MBOAT1: variants seen among roughly 807,000 people sequenced by gnomAD.
MBOAT1 encodes the protein membrane-bound glycerophospholipid O-acyltransferase 1.
Under a neutral mutation model 64.4 loss-of-function variants are expected in MBOAT1, and 67 were observed. That is an observed-to-expected ratio of 1.04 (90% CI 0.85 to 1.27). The LOEUF (loss-of-function observed/expected upper bound fraction) is 1.27, where lower values mean the gene tolerates loss of function less well. Ranked by LOEUF, MBOAT1 falls within the 50% of genes most tolerant of loss-of-function variation. The pLI is 0.00. For synonymous variants in MBOAT1, 229 were observed against 218.9 expected, an observed-to-expected ratio of 1.05 and a Z score of -0.41; for missense variants, 563 against 604.6, an observed-to-expected ratio of 0.93 and a Z score of 0.72.
At chr6:20,132,257 C>T (rs925795393) in intron 4 of MBOAT1, among the ~76,000 whole-genome samples, 2 of 152,202 alleles carry the variant, frequency 1.3e-5, no homozygotes, top group Non-Finnish European at 2.9e-5. Flanking sequence ...GGGAGATACA[C>T]AATCCAGTGC....
chr6:20,157,149 G>A (rs1024654458), intron 1 of MBOAT1, among the ~76,000 whole-genome samples: 1 of 152,108 alleles, frequency 6.6e-6, no homozygotes, highest in Non-Finnish European at 1.5e-5. Flanking sequence ...AAAATTAGCT[G>A]GGCATGATAG....
chr6:20,116,774 T>C (rs890668902), intron 9 of MBOAT1, among the ~76,000 whole-genome samples: 3 of 152,224 alleles, frequency 2.0e-5, no homozygotes, highest in African/African-American at 7.2e-5. Flanking sequence ...CATAACTTAA[T>C]GACTTAGTCC....
In MBOAT1 at chr6:20,113,827, T is replaced by G. The variant is rs550170409; in HGVS notation, c.1077-819A>C. Reference sequence around the variant, plus strand: ...ATTAATAAAAATATATAATAAAAAATAAATAAATAATAATAAAAAAATAAA... The same window carrying G: ...ATTAATAAAAATATATAATAAAAAAGAAATAAATAATAATAAAAAAATAAA... On this transcript the variant is annotated intron_variant, in intron 10 of 12. Coordinates refer to ENST00000324607, the MANE Select transcript of MBOAT1 (RefSeq NM_001080480.3). Among the ~76,000 whole-genome samples the G allele has an allele frequency of 2.7e-3, 406 of 150,354 alleles. 4 individuals carry two copies. The highest frequency in any genetic ancestry group is 9.4e-3 in the African/African-American group (389 of 41,214).
intron 8 of MBOAT1, 30 bp downstream of exon 8, chr6:20,124,378 A>G: frequency 1.3e-6 from 2 of 1,590,158 alleles, no homozygotes; most frequent in Non-Finnish European, 1.7e-6. Flanking sequence ...TTTTTCCCTC[A>G]TTCAGTTACA....
intron 1 of MBOAT1, among the ~76,000 whole-genome samples, chr6:20,168,621 GAGAAGAGAAGAGA>G (rs1762093473): frequency 7.8e-6 from 1 of 127,460 alleles, no homozygotes; most frequent in African/African-American, 3.0e-5. Context: ...GAGAAGAGAA[GAGAAGAGAAGAGA>G]AGAGAAGAGA....
chr6:20,160,246 C>T (rs1308580457), intron 1 of MBOAT1, among the ~76,000 whole-genome samples: 1 of 152,196 alleles, frequency 6.6e-6, no homozygotes, highest in African/African-American at 2.4e-5. Flanking sequence ...TGTTCCATGG[C>T]CTTCATACTC....
At chr6:20,126,059 A>C (rs778360641) in intron 7 of MBOAT1, among the ~76,000 whole-genome samples, 1 of 152,232 alleles carries the variant, frequency 6.6e-6, no homozygotes, top group Non-Finnish European at 1.5e-5. Flanking sequence ...AGGTCAACAT[A>C]AGCAAGCTTT....
At chr6:20,170,970 G>A (rs1392220668) in intron 1 of MBOAT1, among the ~76,000 whole-genome samples, 1 of 152,148 alleles carries the variant, frequency 6.6e-6, no homozygotes, top group African/African-American at 2.4e-5. Flanking sequence ...GCATGCTAGG[G>A]AAATTTTTAA....
chr6:20,165,382 C>A (rs1281381192), intron 1 of MBOAT1, among the ~76,000 whole-genome samples: 1 of 151,990 alleles, frequency 6.6e-6, no homozygotes, highest in Non-Finnish European at 1.5e-5. Flanking sequence ...CCCTGCTTCA[C>A]GAACCTGCAG....
At chr6:20,126,744 C>CT in intron 6 of MBOAT1, 44 bp from the exon 7 acceptor site, 1 of 1,434,034 alleles carries the variant, frequency 7.0e-7, no homozygotes, top group Non-Finnish European at 9.6e-7. Context: ...TCAGTCTTTG[C>CT]TTTTTCTTCA....
chr6:20,186,693 C>T (rs843329), intron 1 of MBOAT1, among the ~76,000 whole-genome samples: 77,126 of 151,620 alleles, frequency 0.51, 20,151 homozygotes, highest in Admixed American at 0.64. Context: ...TGTGGCAATG[C>T]AAAGAGCTAA....
chr6:20,146,691 C>T (rs1284913546), intron 3 of MBOAT1, among the ~76,000 whole-genome samples: 1 of 152,156 alleles, frequency 6.6e-6, no homozygotes, highest in Non-Finnish European at 1.5e-5. Context: ...TTGTCCTCAA[C>T]AGGAGTTAGA....
At chr6:20,202,486 C>A (rs1222009883) in intron 1 of MBOAT1, among the ~76,000 whole-genome samples, 1 of 152,166 alleles carries the variant, frequency 6.6e-6, no homozygotes, top group Non-Finnish European at 1.5e-5. Context: ...ACTTTCAAAA[C>A]CATCTCTCAA....
chr6:20,155,996 C>T (rs557373814), intron 1 of MBOAT1, among the ~76,000 whole-genome samples: 1 of 152,208 alleles, frequency 6.6e-6, no homozygotes, highest in African/African-American at 2.4e-5. Context: ...GGGTCCAGCG[C>T]GGTGGCTCAC....
intron 9 of MBOAT1, among the ~76,000 whole-genome samples, chr6:20,116,766 T>C (rs1051100546): frequency 2.6e-5 from 4 of 152,212 alleles, no homozygotes; most frequent in African/African-American, 9.6e-5. Context: ...AATAAGCACA[T>C]AACTTAATGA....
chr6:20,109,602 A>T lies in MBOAT1; in HGVS notation c.1357T>A (p.Tyr453Asn). Residue 453 changes from tyrosine to asparagine, a missense_variant, in exon 12 of 13, where the codon TAC becomes AAC. Transcript: ENST00000324607. ...MLAVEPTISL[Y>N]KSMYFYLHII... ...CTGAGAACAACGGAAACTTACTTGT[A>T]TAAGCTGATGGTCGGTTCAACTGCC... 6.2e-7 allele frequency: 1 copy of T among 1,611,814 alleles called. No individual in the cohort carries two copies. The highest frequency in any genetic ancestry group is 1.1e-5 in the South Asian group (1 of 90,872).
Position 20,185,780 on chromosome 6 carries a change from A to T in MBOAT1, c.99+26356T>A, listed in dbSNP as rs568306821. Among the ~76,000 whole-genome samples the T allele has an allele frequency of 9.8e-5, 15 of 152,298 alleles. No homozygotes were observed. The South Asian group carries it at 2.1e-3, about 21-fold the overall frequency. On this transcript the variant is annotated intron_variant, in intron 1 of 12. Transcript: ENST00000324607. The stretch of plus-strand genomic sequence containing the variant: ...TCATCCCACCTCTTAACCAACCTAT[A>T]AGACAAGTATTATTACCTCCACTTA...
intron 10 of MBOAT1, among the ~76,000 whole-genome samples, chr6:20,113,293 T>C (rs1760228381): frequency 6.6e-6 from 1 of 152,196 alleles, no homozygotes; most frequent in South Asian, 2.1e-4. Flanking sequence ...CTGTATCTGT[T>C]ACAGGTCTGA....
intron 4 of MBOAT1, among the ~76,000 whole-genome samples, chr6:20,141,480 T>G (rs1311426612): frequency 6.6e-6 from 1 of 151,362 alleles, no homozygotes; most frequent in African/African-American, 2.4e-5. Context: ...CTACCTTTAC[T>G]TCCTGAGTAG....
Sources: allele counts gnomAD v4.1 joint callset (sites outside exome capture counted in the v4.1 genomes callset), GRCh38; gene constraint gnomAD v4.1.1; transcripts MANE v1.5; gene names NCBI Gene and HGNC (gene_info 2026-07-23, HGNC 2026-07-21).